LRRC4C: variants seen among roughly 807,000 people sequenced by gnomAD.
LRRC4C encodes the protein leucine-rich repeat-containing protein 4C.
In LRRC4C, 5 loss-of-function variants were observed where a neutral mutation model predicts 33.6. The ratio of observed to expected loss-of-function variants is 0.15; its 90% CI spans 0.08 to 0.31. LRRC4C has a LOEUF of 0.31. Among genes scored for constraint, LRRC4C ranks in the 10% least tolerant of loss-of-function variants. LRRC4C has a pLI of 1.00. For missense variants in LRRC4C, 560 were observed against 796.7 expected, an observed-to-expected ratio of 0.70 and a Z score of 3.58; for synonymous variants, 329 against 302.0, an observed-to-expected ratio of 1.09 and a Z score of -0.93.
chr11:41,340,150 T>G (rs1230660936), intron 1 of LRRC4C, among the ~76,000 whole-genome samples: 1 of 152,156 alleles, frequency 6.6e-6, no homozygotes, highest in East Asian at 1.9e-4. Context: ...TTTTACAGAA[T>G]GAGAACACAG....
chr11:41,034,607 G>GTATA (rs59350888), intron 1 of LRRC4C, among the ~76,000 whole-genome samples: 2,079 of 96,872 alleles, frequency 0.021, 44 homozygotes, highest in African/African-American at 0.061. Context: ...ATATGGTGAC[G>GTATA]TATATATATA....
intron 3 of LRRC4C, among the ~76,000 whole-genome samples, chr11:40,448,806 T>A (rs1309236360): frequency 1.3e-5 from 2 of 152,230 alleles, no homozygotes; most frequent in African/African-American, 4.8e-5. Context: ...TGGATCTAGA[T>A]CCTTGAGGAA....
At chr11:40,460,477 A>G (rs930150971) in intron 3 of LRRC4C, among the ~76,000 whole-genome samples, 4 of 152,172 alleles carry the variant, frequency 2.6e-5, no homozygotes, top group African/African-American at 9.6e-5. Flanking sequence ...TACAAAATAT[A>G]TCTGGATTGA....
chr11:40,721,369 C>G (rs1025058437), intron 2 of LRRC4C, among the ~76,000 whole-genome samples: 15 of 152,190 alleles, frequency 9.9e-5, no homozygotes, highest in Admixed American at 3.3e-4. Context: ...GCTTCACAGA[C>G]AACAGATCTG....
Position 40,971,921 on chromosome 11 carries a change from G to C in LRRC4C, c.-495-38198C>G, listed in dbSNP as rs530902076. Among the ~76,000 whole-genome samples the C allele has an allele frequency of 2.0e-5, 3 of 152,252 alleles. No homozygotes were observed. In the East Asian group the frequency reaches 5.8e-4, roughly 29 times the overall value. On this transcript the variant is annotated intron_variant, in intron 1 of 6. Coordinates refer to ENST00000528697, the MANE Select transcript of LRRC4C (RefSeq NM_001258419.2). ...TTTTCAGACTTGCGTGGGGCCTGTAGCTCCTTTGTTTTGGTTGATTTCTCA... is the reference window on the plus strand; with the variant it reads ...TTTTCAGACTTGCGTGGGGCCTGTACCTCCTTTGTTTTGGTTGATTTCTCA...
At chr11:40,157,796 C>G (rs1482841376) in intron 5 of LRRC4C, among the ~76,000 whole-genome samples, 1 of 152,138 alleles carries the variant, frequency 6.6e-6, no homozygotes, top group Non-Finnish European at 1.5e-5. Context: ...GGGAACACTT[C>G]TACACTGCTG....
In LRRC4C at chr11:40,251,019, A is replaced by G. The variant is rs182872293; in HGVS notation, c.-175-9421T>C. Among the ~76,000 whole-genome samples, 7 of 152,268 alleles carry G rather than the reference A, an allele frequency of 4.6e-5. No homozygotes were observed. In the East Asian group the frequency reaches 1.4e-3, roughly 30 times the overall value. On this transcript the variant is annotated intron_variant, in intron 4 of 6. Transcript: ENST00000528697. ...TCTTTTCATGTTTAGGTAGTTTTAA[A>G]TCCGTGAAAATCTGCTATTCTCACT...
chr11:40,684,563 CAA>C (rs888821334), intron 2 of LRRC4C, among the ~76,000 whole-genome samples: 1 of 151,548 alleles, frequency 6.6e-6, no homozygotes, highest in African/African-American at 2.4e-5. Context: ...GAGTAATAAA[CAA>C]AGAGTTGAAG....
chr11:40,878,911 G>C (rs994513266), intron 2 of LRRC4C, among the ~76,000 whole-genome samples: 4 of 152,170 alleles, frequency 2.6e-5, no homozygotes, highest in African/African-American at 9.7e-5. Flanking sequence ...TTGGAAGGAA[G>C]GAATCAGTAA....
intron 1 of LRRC4C, among the ~76,000 whole-genome samples, chr11:41,382,609 G>T (rs767077801): frequency 2.3e-4 from 35 of 152,036 alleles, no homozygotes; most frequent in Middle Eastern, 3.4e-3. Flanking sequence ...TACATGGAAG[G>T]TCTGAAATTT....
At chr11:40,682,505 G>A (rs945881476) in intron 2 of LRRC4C, among the ~76,000 whole-genome samples, 2 of 152,068 alleles carry the variant, frequency 1.3e-5, no homozygotes, top group African/African-American at 4.8e-5. Flanking sequence ...TCTGGGTGCA[G>A]TGGTTCACAC....
intron 2 of LRRC4C, among the ~76,000 whole-genome samples, chr11:40,766,204 A>C (rs2137118517): frequency 6.6e-6 from 1 of 151,768 alleles, no homozygotes; most frequent in South Asian, 2.1e-4. Context: ...AAATGAAAAC[A>C]AATTTTATCC....
chr11:41,199,968 C>T (rs570550310), intron 1 of LRRC4C, among the ~76,000 whole-genome samples: 1 of 152,202 alleles, frequency 6.6e-6, no homozygotes, highest in East Asian at 1.9e-4. Context: ...CAAGATCATA[C>T]AGCTCGTGAG....
intron 2 of LRRC4C, among the ~76,000 whole-genome samples, chr11:40,807,117 C>T (rs1951286513): frequency 6.6e-6 from 1 of 152,156 alleles, no homozygotes; most frequent in Non-Finnish European, 1.5e-5. Context: ...AGCTAACTTT[C>T]AGGGCACCTC....
intron 1 of LRRC4C, among the ~76,000 whole-genome samples, chr11:41,441,887 T>C (rs1955630920): frequency 6.6e-6 from 1 of 152,188 alleles, no homozygotes; most frequent in South Asian, 2.1e-4. Context: ...TTATATTAAC[T>C]GGTCCAAACA....
At chr11:40,749,438 A>T (rs1948579531) in intron 2 of LRRC4C, among the ~76,000 whole-genome samples, 1 of 143,714 alleles carries the variant, frequency 7.0e-6, no homozygotes, top group African/African-American at 2.6e-5. Context: ...GAAACACAAT[A>T]TACCAAAACC....
At chr11:40,681,483 C>G (rs1314494941) in intron 2 of LRRC4C, among the ~76,000 whole-genome samples, 1 of 152,112 alleles carries the variant, frequency 6.6e-6, no homozygotes, top group Non-Finnish European at 1.5e-5. Context: ...AAAGTCTTTG[C>G]ACTGGCAATG....
At chr11:40,187,594 T>G (rs1241901978) in intron 5 of LRRC4C, among the ~76,000 whole-genome samples, 8 of 151,910 alleles carry the variant, frequency 5.3e-5, no homozygotes, top group African/African-American at 1.9e-4. Context: ...CCCTGAAGAT[T>G]AACCAGCCCA....
At chr11:40,675,468 T>G (rs12795016) in intron 2 of LRRC4C, among the ~76,000 whole-genome samples, 28,308 of 152,112 alleles carry the variant, frequency 0.19, 3,377 homozygotes, top group East Asian at 0.49. Flanking sequence ...TTGCTCACAC[T>G]TTTCTTACAC....
Sources: allele counts gnomAD v4.1 joint callset (sites outside exome capture counted in the v4.1 genomes callset), GRCh38; gene constraint gnomAD v4.1.1; transcripts MANE v1.5; gene names NCBI Gene and HGNC (gene_info 2026-07-23, HGNC 2026-07-21).